Variants in HDAC9 observed in about 807,000 individuals in gnomAD.
The protein encoded by HDAC9 is histone deacetylase 9.
In HDAC9, 41 loss-of-function variants were observed where a neutral mutation model predicts 139.4. The ratio of observed to expected loss-of-function variants is 0.29; its 90% CI spans 0.23 to 0.38. HDAC9 has a LOEUF of 0.38. HDAC9 is among the 10% of genes least tolerant of loss of function. The probability of loss-of-function intolerance (pLI) is 1.00; values close to 1 mark genes in which losing one functional copy is unlikely to be tolerated. For missense variants in HDAC9, 1,147 were observed against 1,297.0 expected, an observed-to-expected ratio of 0.88 and a Z score of 1.78; for synonymous variants, 517 against 476.2, an observed-to-expected ratio of 1.09 and a Z score of -1.12.
intron 12 of HDAC9, among the ~76,000 whole-genome samples, chr7:18,682,233 ACAAT>A (rs529922579): frequency 3.0e-4 from 45 of 152,156 alleles, no homozygotes; most frequent in Middle Eastern, 3.4e-3. Context: ...GGGCAAGTAA[ACAAT>A]CAATAACAAA....
intron 2 of HDAC9, among the ~76,000 whole-genome samples, chr7:18,187,090 T>G (rs1789974041): frequency 6.6e-6 from 1 of 152,246 alleles, no homozygotes; most frequent in Non-Finnish European, 1.5e-5. Context: ...AGTAATAATT[T>G]ATTATTCAAT....
chr7:18,217,422 TCTTG>T lies in HDAC9; in HGVS notation c.25+55077_25+55080del, dbSNP rs71709464. Among the ~76,000 whole-genome samples, 1,047 of 152,342 alleles carry T rather than the reference TCTTG, an allele frequency of 6.9e-3. 5 individuals carry two copies. The highest frequency in any genetic ancestry group is 0.034 in the South Asian group (162 of 4,832). On this transcript the variant is annotated intron_variant, in intron 2 of 12. Transcript: ENST00000417496. ...TGTTTTTATCTTTATTATTTTTTCC[TCTTG>T]CTTTCCTTAGATATAGTTTGTTCAC...
At chr7:18,212,529 A>G (rs1415325257) in intron 2 of HDAC9, among the ~76,000 whole-genome samples, 7 of 152,184 alleles carry the variant, frequency 4.6e-5, no homozygotes, top group Non-Finnish European at 2.9e-5. Context: ...TTTACATTTA[A>G]TATGTTATTT....
At chr7:18,324,950 A>C (rs1186531737) in intron 1 of HDAC9, among the ~76,000 whole-genome samples, 4 of 152,148 alleles carry the variant, frequency 2.6e-5, no homozygotes, top group Non-Finnish European at 5.9e-5. Flanking sequence ...AAGGTATGAA[A>C]GTTCTTAAAG....
chr7:18,811,428 CTATGT>C (rs1651934211), intron 17 of HDAC9, among the ~76,000 whole-genome samples: 1 of 151,598 alleles, frequency 6.6e-6, no homozygotes, highest in African/African-American at 2.4e-5. Context: ...GTAAATTTTG[CTATGT>C]TATATTTTCA....
rs969275931 is a variant in HDAC9 at position 18,998,512 on chromosome 7, T to C, written c.*2450T>C. 6.6e-6 allele frequency: 1 copy of C among 152,222 alleles called. No individual in the cohort carries two copies. Among genetic ancestry groups the C allele is most frequent in the Non-Finnish European group, 1.5e-5 (1 of 68,046 alleles). 9.4% of individuals were successfully genotyped at this position (152,222 alleles called of 1,614,324 possible). Reference sequence around the variant, plus strand: ...GGAGAGGATTATCCACAGCATGTAGTTGTAAGAACAGAATGCCATTGCTTT... The same window carrying C: ...GGAGAGGATTATCCACAGCATGTAGCTGTAAGAACAGAATGCCATTGCTTT... On this transcript the variant is annotated 3_prime_UTR_variant, in exon 26 of 26. Coordinates refer to ENST00000686413, the MANE Select transcript of HDAC9 (RefSeq NM_178425.4).
At chr7:18,561,300 T>C (rs1469031360) in intron 2 of HDAC9, among the ~76,000 whole-genome samples, 1 of 152,330 alleles carries the variant, frequency 6.6e-6, no homozygotes, top group East Asian at 1.9e-4. Flanking sequence ...TGAGCATACT[T>C]TAAAAATTCT....
At chr7:18,894,773 G>A (rs1801019761) in intron 22 of HDAC9, among the ~76,000 whole-genome samples, 1 of 152,122 alleles carries the variant, frequency 6.6e-6, no homozygotes, top group African/African-American at 2.4e-5. Flanking sequence ...TGATGCTGCT[G>A]TAAAAAGAAG....
chr7:18,645,505 C>T (rs1463695864), intron 9 of HDAC9, among the ~76,000 whole-genome samples: 1 of 152,086 alleles, frequency 6.6e-6, no homozygotes, highest in Non-Finnish European at 1.5e-5. Flanking sequence ...TTAAAATTTC[C>T]TAGTACTCAG....
At chr7:18,577,970 C>A (rs1276475640) in intron 2 of HDAC9, among the ~76,000 whole-genome samples, 1 of 152,098 alleles carries the variant, frequency 6.6e-6, no homozygotes, top group Middle Eastern at 3.2e-3. Context: ...GTCCCCTCTC[C>A]CCAAAACACA....
chr7:18,411,817 C>CTTTTTTTTT (rs71014326), intron 1 of HDAC9, among the ~76,000 whole-genome samples: 15 of 88,944 alleles, frequency 1.7e-4, no homozygotes, highest in Admixed American at 4.7e-4. Flanking sequence ...TTTCAACTTG[C>CTTTTTTTTT]TTTTTTTTTT....
At chr7:18,886,615 G>A (rs201648615) in intron 22 of HDAC9, among the ~76,000 whole-genome samples, 2 of 152,030 alleles carry the variant, frequency 1.3e-5, no homozygotes, top group East Asian at 3.9e-4. Flanking sequence ...TAGATTCAAT[G>A]GAAAATAATA....
At position 18,793,368 on chromosome 7, in the gene HDAC9, T is replaced by C. The variant is rs1220813041; in HGVS notation, c.2238T>C (p.Asn746=). 7 of 1,577,918 alleles carry C rather than the reference T, an allele frequency of 4.4e-6. No individual in the cohort carries two copies. The Admixed American group carries it at 5.5e-5, about 12-fold the overall frequency. The part of the protein sequence containing the change: ...GLGVDSDTIW[N]ELHSSGAARM... ...AGGTGGACAGTGACACCATTTGGAATGAGCTACACTCGTCCGGTGCTGCAC... is the reference window on the plus strand; with the variant it reads ...AGGTGGACAGTGACACCATTTGGAACGAGCTACACTCGTCCGGTGCTGCAC... Residue 746 remains asparagine (N), a synonymous_variant, in exon 17 of 26, where the codon AAT becomes AAC. Coordinates refer to ENST00000686413, the MANE Select transcript of HDAC9 (RefSeq NM_178425.4).
intron 2 of HDAC9, among the ~76,000 whole-genome samples, chr7:18,523,801 A>T (rs1005114426): frequency 6.6e-6 from 1 of 152,110 alleles, no homozygotes; most frequent in Non-Finnish European, 1.5e-5. Flanking sequence ...TTATGAAGGT[A>T]AGATTTTCAG....
chr7:18,458,713 A>G, intron 1 of HDAC9: 1 of 557,876 alleles, frequency 1.8e-6, no homozygotes, highest in Non-Finnish European at 3.1e-6. Context: ...TTCGATTAAT[A>G]AATGATAAGC....
chr7:18,321,301 C>G (rs548086857), intron 1 of HDAC9, among the ~76,000 whole-genome samples: 1 of 152,310 alleles, frequency 6.6e-6, no homozygotes, highest in East Asian at 1.9e-4. Context: ...TCTTTCCATC[C>G]TATCCATTCA....
Position 18,967,506 on chromosome 7 carries a change from C to CA in HDAC9, c.3023-8288dup, listed in dbSNP as rs777814332. On this transcript the variant is annotated intron_variant, in intron 24 of 25. Transcript: ENST00000686413. Reference sequence around the variant, plus strand: ...TTTGTAAATAAAGTTGCCCCCCCCCCAAAAAAAAAAAAGCAGGGTGTTATT... The same window carrying CA: ...TTTGTAAATAAAGTTGCCCCCCCCCCAAAAAAAAAAAAAGCAGGGTGTTATT... Among the ~76,000 whole-genome samples the CA allele has an allele frequency of 1.7e-3, 201 of 119,224 alleles. 6 individuals carry two copies. The highest frequency in any genetic ancestry group is 2.8e-3 in the South Asian group (9 of 3,262). 78.2% of individuals were successfully genotyped at this position (119,224 alleles called of 152,430 possible).
chr7:18,103,997 C>T (rs1407797020), intron 1 of HDAC9, among the ~76,000 whole-genome samples: 4 of 152,160 alleles, frequency 2.6e-5, no homozygotes, highest in Non-Finnish European at 4.4e-5. Context: ...TCTCAGGGAA[C>T]ACTCATACCC....
Position 18,935,856 on chromosome 7 carries a change from G to C in HDAC9, c.2851G>C (p.Val951Leu). 1 of 1,613,804 alleles carries C rather than the reference G, an allele frequency of 6.2e-7. No individual in the cohort carries two copies. The highest frequency in any genetic ancestry group is 8.5e-7 in the Non-Finnish European group (1 of 1,179,742). Residue 951 changes from valine to leucine, a missense_variant, in exon 23 of 26, where the codon GTG becomes CTG. By Grantham distance (32) the Val-to-Leu change is conservative. Around this residue, in one of 7 missense-constraint regions of HDAC9, gnomAD observed 407 missense variants for 521.5 expected, o/e 0.78. Transcript: ENST00000686413. The part of the protein sequence containing the change: ...KQLMTLADGR[V>L]VLALEGGHDL... ...ATTGATGACATTGGCTGATGGACGT[G>C]TGGTGTTGGCTCTAGAAGGAGGACA...
Sources: gnomAD v4.1 joint callset for allele counts (sites outside exome capture counted in the v4.1 genomes callset) on GRCh38, gnomAD v4.1.1 for gene constraint, gnomAD v4.1.1 regional missense constraint, MANE v1.5 for transcripts, NCBI Gene and HGNC (gene_info 2026-07-23, HGNC 2026-07-21) for gene names.